RFWD3: variants seen among roughly 807,000 people sequenced by gnomAD.
RFWD3 encodes E3 ubiquitin-protein ligase RFWD3.
A neutral mutation model predicts 87.7 loss-of-function variants in RFWD3; 65 were observed. The observed-to-expected ratio is 0.74, with a 90% CI of 0.61 to 0.91. The LOEUF is 0.91. Ranked by LOEUF, RFWD3 falls within the 40% of genes least tolerant of loss-of-function variation. The pLI is 0.00. For synonymous variants in RFWD3, 433 were observed against 352.8 expected (o/e 1.23, Z -2.55); for missense variants, 1,078 against 938.5 (o/e 1.15, Z -1.94).
chr16:74,625,775 A>G (rs1958914885), intron 12 of RFWD3, among the ~76,000 whole-genome samples: 2 of 152,242 alleles, frequency 1.3e-5, no homozygotes, highest in African/African-American at 2.4e-5. Flanking sequence ...TTTATATTTA[A>G]CTTGATTAAA....
In RFWD3 at chr16:74,623,959, T is replaced by C; in HGVS notation, c.2294A>G (p.Glu765Gly). Residue 765 changes from glutamate (E) to glycine (G), a missense_variant, in exon 13 of 13, where the codon GAG becomes GGG. Physicochemically the swap from Glu to Gly is moderately conservative, Grantham distance 98 (BLOSUM62 -2). Transcript: ENST00000361070. Reference protein sequence around the residue: ...NRNSYLATLTEKMVHIYKWE With the variant: ...NRNSYLATLTGKMVHIYKWE ...CCACTTATAGATGTGGACCATCTTCTCTGTTAAGGTAGCCAAGTAGCTGTT... is the reference window on the plus strand; with the variant it reads ...CCACTTATAGATGTGGACCATCTTCCCTGTTAAGGTAGCCAAGTAGCTGTT... 1 of 1,614,114 alleles carries C rather than the reference T, an allele frequency of 6.2e-7. No homozygotes were observed. Among genetic ancestry groups the C allele is most frequent in the Non-Finnish European group, 8.5e-7 (1 of 1,180,010 alleles).
intron 1 of RFWD3, among the ~76,000 whole-genome samples, chr16:74,663,254 C>G (rs529512648): frequency 3.3e-5 from 5 of 152,044 alleles, no homozygotes; most frequent in Admixed American, 6.6e-5. Context: ...ACCTGAGGAA[C>G]AGAATGACAG....
At chr16:74,634,587 C>A (rs1244431582) in intron 8 of RFWD3, among the ~76,000 whole-genome samples, 7 of 152,114 alleles carry the variant, frequency 4.6e-5, no homozygotes, top group Non-Finnish European at 1.0e-4. Flanking sequence ...TGGAGTCTCA[C>A]TATGTTGCCC....
intron 2 of RFWD3, among the ~76,000 whole-genome samples, chr16:74,657,702 G>A (rs1961107423): frequency 6.6e-6 from 1 of 152,068 alleles, no homozygotes; most frequent in Non-Finnish European, 1.5e-5. Flanking sequence ...TCGAACTCGT[G>A]ACCTCAGGTG....
In RFWD3 at chr16:74,636,514, A is replaced by G. The variant is rs762757836; in HGVS notation, c.1258T>C (p.Trp420Arg). 1 of 1,613,942 alleles carries G rather than the reference A, an allele frequency of 6.2e-7. No homozygotes were observed. The highest frequency in any genetic ancestry group is 8.5e-7 in the Non-Finnish European group (1 of 1,180,042). ...CTGGAGGGTGAGCAGCTCAGGACCC[A>G]TGCTTGGGAGCCCCTGGGTTGCTGT... is the stretch of plus-strand genomic sequence containing the variant. ...NLQQPRGSQA[W>R]VLSCSPSSQG... The change falls in exon 8 of 13, where the codon TGG becomes CGG. Residue 420 changes from tryptophan (W) to arginine (R), a missense_variant. By Grantham distance (101) the Trp-to-Arg change is moderately radical (BLOSUM62 -3). Coordinates refer to ENST00000361070, the MANE Select transcript of RFWD3 (RefSeq NM_018124.4).
At chr16:74,626,235 T>TA in intron 12 of RFWD3, 108 bp downstream of exon 12, 1 of 949,408 alleles carries the variant, frequency 1.1e-6, no homozygotes, top group South Asian at 1.4e-5. Flanking sequence ...GAGCAGAACT[T>TA]ACACTTTTTT....
intron 3 of RFWD3, among the ~76,000 whole-genome samples, chr16:74,651,050 G>A (rs958682785): frequency 6.6e-6 from 1 of 152,074 alleles, no homozygotes; most frequent in Admixed American, 6.5e-5. Flanking sequence ...TGATAAATGA[G>A]GTTTTGGAAA....
At chr16:74,638,284 A>G (rs1287166457) in intron 6 of RFWD3, among the ~76,000 whole-genome samples, 2 of 152,194 alleles carry the variant, frequency 1.3e-5, no homozygotes, top group Non-Finnish European at 2.9e-5. Context: ...TAAAAGGCCA[A>G]GGTTACTGGA....
chr16:74,647,615 G>A (rs552061885), intron 4 of RFWD3, among the ~76,000 whole-genome samples: 1 of 151,860 alleles, frequency 6.6e-6, no homozygotes, highest in South Asian at 2.1e-4. Flanking sequence ...TCTTTGAGAT[G>A]AAGTCGTGCT....
In RFWD3 at chr16:74,626,456, A is replaced by G. The variant is rs1172851866; in HGVS notation, c.2068T>C (p.Phe690Leu). The G allele has an allele frequency of 2.5e-6, 4 of 1,614,220 alleles. No homozygotes were observed. In the Admixed American group the frequency reaches 6.7e-5, roughly 27 times the overall value. ...AGTTTGCAAGTAGGTCCTCCAAAAA[A>G]TGTATGTACAGGCTGGCAGGAGCAG... ...PICSCQPVHT[F>L]FGGPTCKLLT... The change falls in exon 12 of 13, where the codon TTT becomes CTT. Residue 690 changes from phenylalanine to leucine, a missense_variant. Transcript: ENST00000361070.
intron 2 of RFWD3, among the ~76,000 whole-genome samples, chr16:74,657,219 T>C (rs1209576083): frequency 2.0e-5 from 3 of 152,166 alleles, no homozygotes; most frequent in Non-Finnish European, 4.4e-5. Context: ...TTTACTATGA[T>C]TACAGGCAGA....
intron 6 of RFWD3, among the ~76,000 whole-genome samples, chr16:74,641,718 T>C (rs1959662102): frequency 6.6e-6 from 1 of 151,050 alleles, no homozygotes; most frequent in African/African-American, 2.4e-5. Flanking sequence ...AGGTCAGGAG[T>C]TCCAGACCAG....
chr16:74,645,325 G>C (rs936483866), intron 4 of RFWD3, among the ~76,000 whole-genome samples: 3 of 152,206 alleles, frequency 2.0e-5, no homozygotes, highest in South Asian at 2.1e-4. Flanking sequence ...CTTTGGCATA[G>C]CAATCTCTCT....
Position 74,661,328 on chromosome 16 carries a change from G to A in RFWD3, c.122C>T (p.Ala41Val), listed in dbSNP as rs905766710. 6 of 1,613,966 alleles carry A rather than the reference G, an allele frequency of 3.7e-6. No homozygotes were observed. Among genetic ancestry groups the A allele is most frequent in the Non-Finnish European group, 5.1e-6 (6 of 1,179,990 alleles). Residue 41 changes from alanine to valine, a missense_variant, in exon 2 of 13, where the codon GCT becomes GTT. Ala to Val is a moderately conservative substitution (Grantham distance 64, BLOSUM62 0). Coordinates refer to ENST00000361070, the MANE Select transcript of RFWD3 (RefSeq NM_018124.4). ...TACCCCCTGGCTGCTGACCACATCA[G>A]CAGGAACAGGCTGGAGGAGGGCTGG... ...GGPALLQPVP[A>V]DVVSSQGVPS... is the part of the protein sequence containing the mutation.
chr16:74,644,288 A>C, intron 6 of RFWD3, 74 bp downstream of exon 6: 1 of 1,450,086 alleles, frequency 6.9e-7, no homozygotes, highest in Non-Finnish European at 9.7e-7. Flanking sequence ...CGAGTGACTC[A>C]TAACTTCTTT....
chr16:74,666,664 AAGCCCGCGTGC>A (rs1345804777), intron 1 of RFWD3, 111 bp downstream of exon 1: 3 of 152,284 alleles, frequency 2.0e-5, no homozygotes, highest in Non-Finnish European at 4.4e-5. Context: ...GCCGGGTTCC[AAGCCCGCGTGC>A]AGCCCACCTC....
intron 2 of RFWD3, among the ~76,000 whole-genome samples, chr16:74,653,588 G>C (rs1235762715): frequency 6.6e-6 from 1 of 152,132 alleles, no homozygotes; most frequent in Non-Finnish European, 1.5e-5. Context: ...CAAGGCAGGA[G>C]GATTGCTTGA....
At chr16:74,624,852 TGTA>T (rs1958876383) in intron 12 of RFWD3, among the ~76,000 whole-genome samples, 2 of 151,986 alleles carry the variant, frequency 1.3e-5, no homozygotes, top group Non-Finnish European at 2.9e-5. Context: ...ATTAGCCAGG[TGTA>T]GTGGTGCATG....
intron 12 of RFWD3, among the ~76,000 whole-genome samples, chr16:74,625,093 G>A (rs1958888224): frequency 6.6e-6 from 1 of 152,032 alleles, no homozygotes; most frequent in Non-Finnish European, 1.5e-5. Flanking sequence ...CCAGCTACTT[G>A]GGAGGCTGAA....
Sources: allele counts gnomAD v4.1 joint callset (sites outside exome capture counted in the v4.1 genomes callset), GRCh38; gene constraint gnomAD v4.1.1; transcripts MANE v1.5; gene names NCBI Gene and HGNC (gene_info 2026-07-23, HGNC 2026-07-21).